Variants in HSP90AA1 observed in about 807,000 individuals in gnomAD.
HSP90AA1 encodes the protein heat shock protein 90 alpha family class A member 1.
In HSP90AA1, 18 loss-of-function variants were observed where a neutral mutation model predicts 73.3. That is an observed-to-expected ratio of 0.25 (90% CI 0.17 to 0.36). The LOEUF (loss-of-function observed/expected upper bound fraction) is 0.36, where lower values mean the gene tolerates loss of function less well. Ranked by LOEUF, HSP90AA1 falls within the 10% of genes least tolerant of loss-of-function variation. The probability of loss-of-function intolerance (pLI) is 1.00; values close to 1 mark genes in which losing one functional copy is unlikely to be tolerated. For synonymous variants in HSP90AA1, 477 were observed against 296.9 expected (o/e 1.61, Z -6.24); for missense variants, 704 against 874.2 (o/e 0.81, Z 2.45).
upstream of HSP90AA1, among the ~76,000 whole-genome samples, chr14:102,088,377 T>G (rs2049299696): frequency 6.6e-6 from 1 of 152,144 alleles, no homozygotes; most frequent in Admixed American, 6.5e-5. Flanking sequence ...ATCTGAAAGC[T>G]CCTTGCCGTG....
intron 1 of HSP90AA1, among the ~76,000 whole-genome samples, chr14:102,133,195 G>A (rs1216525157): frequency 6.6e-6 from 1 of 151,618 alleles, no homozygotes; most frequent in African/African-American, 2.4e-5. Flanking sequence ...CAGGAGAATC[G>A]CTTGAACCCA....
rs1328158532 is a variant in HSP90AA1 at position 102,080,989 on chromosome 14, G to C, written c.*723C>G. ...CTAGCGCCTCATGTTTTACATTTTG[G>C]CACTAACTGTCATCCAGATACTCCC... On this transcript the variant is annotated 3_prime_UTR_variant, in exon 11 of 11. Coordinates refer to ENST00000216281, the MANE Select transcript of HSP90AA1 (RefSeq NM_005348.4). 8.8e-6 allele frequency: 2 copies of C among 226,552 alleles called. No individual in the cohort carries two copies. Among genetic ancestry groups the C allele is most frequent in the Non-Finnish European group, 1.8e-5 (2 of 114,132 alleles). The allele number at this position is 226,552 out of a possible 1,614,324, so 14.0% of individuals were successfully genotyped here.
At position 102,106,778 on chromosome 14, in the gene HSP90AA1, AGG is replaced by A. The variant is rs374740119; in HGVS notation, c.156-4695_156-4694del. Among the ~76,000 whole-genome samples, 393 of 151,624 alleles carry A rather than the reference AGG, an allele frequency of 2.6e-3. 3 individuals are homozygous for A. Among genetic ancestry groups the A allele is most frequent in the African/African-American group, 8.9e-3 (366 of 41,022 alleles). ...AGGCTGGTCTTGAACTCCTGACCTC[AGG>A]TGATCTACCCACCTCGGCCTCCCAA... On this transcript the variant is annotated intron_variant, in intron 1 of 11. Coordinates refer to the HSP90AA1 transcript ENST00000334701.
intron 2 of HSP90AA1, among the ~76,000 whole-genome samples, chr14:102,094,966 A>G (rs1030246102): frequency 6.6e-6 from 1 of 152,138 alleles, no homozygotes; most frequent in Non-Finnish European, 1.5e-5. Flanking sequence ...AGGGTGAAGC[A>G]CAGGAGCCCC....
chr14:102,088,893 CT>C (rs897177764), upstream of HSP90AA1, among the ~76,000 whole-genome samples: 1 of 106,202 alleles, frequency 9.4e-6, no homozygotes, highest in African/African-American at 2.9e-5. Flanking sequence ...CTCTGACGTT[CT>C]TTTTTTTCTT....
intron 1 of HSP90AA1, chr14:102,102,117 CA>C: frequency 1.3e-6 from 2 of 1,576,946 alleles, no homozygotes; most frequent in Non-Finnish European, 1.7e-6. Flanking sequence ...TCTGGACTTC[CA>C]AACCAAACAT....
At chr14:102,085,252 A>C (rs373987137) in intron 4 of HSP90AA1, 46 bp downstream of exon 4, 1 of 1,590,280 alleles carries the variant, frequency 6.3e-7, no homozygotes, top group Non-Finnish European at 8.6e-7. Context: ...AGTCACCCCA[A>C]TCACCTACAG....
At chr14:102,104,422 A>G (rs1595669996) in intron 1 of HSP90AA1, among the ~76,000 whole-genome samples, 3 of 152,208 alleles carry the variant, frequency 2.0e-5, no homozygotes, top group Admixed American at 2.0e-4. Flanking sequence ...CATGTTGGCC[A>G]GGCTGGTCTC....
chr14:102,129,401 C>T (rs948290534), intron 1 of HSP90AA1, among the ~76,000 whole-genome samples: 7 of 152,124 alleles, frequency 4.6e-5, no homozygotes, highest in Admixed American at 2.6e-4. Flanking sequence ...CAATTATCAC[C>T]TCTAAAAGAA....
intron 1 of HSP90AA1, among the ~76,000 whole-genome samples, chr14:102,120,605 C>T (rs1424235983): frequency 2.0e-5 from 3 of 152,010 alleles, no homozygotes; most frequent in Non-Finnish European, 4.4e-5. Flanking sequence ...AGTTCTCAAA[C>T]TCAGAGTTTA....
At chr14:102,093,962 T>C (rs1287466399) in intron 2 of HSP90AA1, among the ~76,000 whole-genome samples, 1 of 143,416 alleles carries the variant, frequency 7.0e-6, no homozygotes, top group African/African-American at 2.6e-5. Context: ...TCTTTTTTCT[T>C]TTTTCAAAAA....
intron 4 of HSP90AA1, 67 bp downstream of exon 4, chr14:102,085,231 G>C (rs979939154): frequency 1.3e-6 from 2 of 1,525,164 alleles, no homozygotes; most frequent in Non-Finnish European, 1.8e-6. Flanking sequence ...TAGGGACTAA[G>C]GATGTAGTAC....
At chr14:102,101,734 G>A in intron 2 of HSP90AA1, 1 of 719,102 alleles carries the variant, frequency 1.4e-6, no homozygotes, top group South Asian at 1.6e-5. Context: ...TCAATGCAGT[G>A]GATGGGTAGG....
Position 102,083,014 on chromosome 14 carries a change from G to GAA in HSP90AA1, c.1755+18_1755+19dup, listed in dbSNP as rs1219210473. 8.1e-6 allele frequency: 13 copies of GAA among 1,609,372 alleles called. No homozygotes were observed. The highest frequency in any genetic ancestry group is 1.1e-5 in the Non-Finnish European group (13 of 1,175,900). On this transcript the variant is annotated intron_variant, in intron 9 of 10. Coordinates refer to ENST00000216281, the MANE Select transcript of HSP90AA1 (RefSeq NM_005348.4). ...GCACCTTAGAAGTATCAATGATCAG[G>GAA]AAATGCTGTATTCACATACCTTTTC...
upstream of HSP90AA1, among the ~76,000 whole-genome samples, chr14:102,092,021 C>G (rs1028638454): frequency 4.0e-5 from 6 of 151,624 alleles, no homozygotes; most frequent in Non-Finnish European, 8.8e-5. Context: ...GTTATTTTTA[C>G]ATGTTTTACT....
chr14:102,092,314 G>C (rs1193430345), intron 2 of HSP90AA1, among the ~76,000 whole-genome samples: 1 of 151,770 alleles, frequency 6.6e-6, no homozygotes, highest in Non-Finnish European at 1.5e-5. Context: ...CAAGTGATGT[G>C]CCTGCCTCGG....
chr14:102,137,968 T>C (rs2050043534), intron 1 of HSP90AA1, among the ~76,000 whole-genome samples: 2 of 151,226 alleles, frequency 1.3e-5, no homozygotes, highest in Non-Finnish European at 2.9e-5. Context: ...TGAGCCAAGA[T>C]TGCACCACTG....
chr14:102,094,422 GC>G (rs994224251), intron 2 of HSP90AA1, among the ~76,000 whole-genome samples: 4 of 152,172 alleles, frequency 2.6e-5, no homozygotes, highest in Admixed American at 1.3e-4. Flanking sequence ...CAGGCATAAA[GC>G]CCCCACCACC....
chr14:102,119,613 G>A (rs1013164296), intron 1 of HSP90AA1, among the ~76,000 whole-genome samples: 4 of 151,980 alleles, frequency 2.6e-5, no homozygotes, highest in African/African-American at 7.2e-5. Context: ...CTCACCCTCC[G>A]GAGTAGCTGG....
Sources: allele counts gnomAD v4.1 joint callset (sites outside exome capture counted in the v4.1 genomes callset), GRCh38; gene constraint gnomAD v4.1.1; transcripts MANE v1.5; gene names NCBI Gene and HGNC (gene_info 2026-07-23, HGNC 2026-07-21).